The following LIMS1 variants were observed in gnomAD, a reference collection of about 807,000 sequenced individuals.
LIMS1 encodes LIM zinc finger domain containing 1.
A neutral mutation model predicts 44.1 loss-of-function variants in LIMS1; 18 were observed. The ratio of observed to expected loss-of-function variants is 0.41; its 90% confidence interval spans 0.28 to 0.61. The LOEUF (loss-of-function observed/expected upper bound fraction) is 0.61, where lower values mean the gene tolerates loss of function less well. Ranked by LOEUF, LIMS1 falls within the 20% of genes least tolerant of loss-of-function variation. The probability of loss-of-function intolerance (pLI) is 0.32; values close to 1 mark genes in which losing one functional copy is unlikely to be tolerated. For missense variants in LIMS1, 201 were observed against 422.0 expected (o/e 0.48, Z 4.59); for synonymous variants, 93 against 149.1 (o/e 0.62, Z 2.74).
chr2:108,622,519 C>T (rs773163746), intron 1 of LIMS1, among the ~76,000 whole-genome samples: 58 of 152,126 alleles, frequency 3.8e-4, no homozygotes, highest in Non-Finnish European at 6.9e-4. Context: ...CATTAAAGGA[C>T]TATTATTGAC....
chr2:108,638,751 A>G (rs1394943984), intron 1 of LIMS1, among the ~76,000 whole-genome samples: 1 of 146,368 alleles, frequency 6.8e-6, no homozygotes, highest in African/African-American at 2.5e-5. Flanking sequence ...GTCTCAAGAA[A>G]ACTAAGCACA....
At chr2:108,564,527 A>C (rs557967371) in intron 1 of LIMS1, among the ~76,000 whole-genome samples, 44 of 152,244 alleles carry the variant, frequency 2.9e-4, no homozygotes, top group Admixed American at 1.6e-3. Context: ...GCAAGTTTAA[A>C]ATCCACAGAG....
At chr2:108,576,808 A>G (rs191341707) in intron 1 of LIMS1, among the ~76,000 whole-genome samples, 10 of 152,330 alleles carry the variant, frequency 6.6e-5, no homozygotes, top group African/African-American at 1.9e-4. Context: ...AGGGAAGAGT[A>G]AATAAGTCTC....
At chr2:108,568,330 G>T (rs1573342868) in intron 1 of LIMS1, among the ~76,000 whole-genome samples, 1 of 152,148 alleles carries the variant, frequency 6.6e-6, no homozygotes, top group Admixed American at 6.5e-5. Context: ...TTCACATAAT[G>T]TCCTCAAGCT....
intron 1 of LIMS1, among the ~76,000 whole-genome samples, chr2:108,601,593 G>C (rs972539929): frequency 6.6e-6 from 1 of 152,214 alleles, no homozygotes; most frequent in South Asian, 2.1e-4. Flanking sequence ...CACTCAACCT[G>C]TTTCAGGACT....
intron 1 of LIMS1, among the ~76,000 whole-genome samples, chr2:108,586,198 CA>C (rs113255390): frequency 2.8e-5 from 4 of 145,032 alleles, no homozygotes; most frequent in African/African-American, 7.6e-5. Flanking sequence ...TCTCAAAACA[CA>C]AAAAAAAACA....
chr2:108,624,017 C>T (rs1409280200), intron 1 of LIMS1, among the ~76,000 whole-genome samples: 1 of 152,186 alleles, frequency 6.6e-6, no homozygotes. Flanking sequence ...GCTTCCTAGA[C>T]TTTTGTTTTA....
At chr2:108,596,292 CCAA>C (rs1686678907) in intron 1 of LIMS1, among the ~76,000 whole-genome samples, 1 of 152,062 alleles carries the variant, frequency 6.6e-6, no homozygotes, top group Non-Finnish European at 1.5e-5. Context: ...TCTTTAATTT[CCAA>C]AGGAGGAAAT....
chr2:108,624,179 G>A (rs1688427785), intron 1 of LIMS1, among the ~76,000 whole-genome samples: 1 of 152,186 alleles, frequency 6.6e-6, no homozygotes, highest in East Asian at 1.9e-4. Flanking sequence ...ACAAGGCATT[G>A]ACCCTTTTTT....
chr2:108,582,000 C>G (rs970009982), intron 1 of LIMS1, among the ~76,000 whole-genome samples: 40 of 151,566 alleles, frequency 2.6e-4, no homozygotes, highest in Non-Finnish European at 3.8e-4. Context: ...TTGATATAGT[C>G]AGAGTTTGAA....
rs34386092 is a variant in LIMS1, at chr2:108,540,193, CTTTTTTTTTTTTTTTT to C, written c.32+5607_32+5622del. Among the ~76,000 whole-genome samples, 3 of 93,314 alleles carry C rather than the reference CTTTTTTTTTTTTTTTT, an allele frequency of 3.2e-5. No homozygotes were observed. In the Admixed American group the frequency reaches 4.7e-4, roughly 15 times the overall value. 61.2% of individuals were successfully genotyped at this position (93,314 alleles called of 152,430 possible). On this transcript the variant is annotated intron_variant, in intron 1 of 9. Transcript: ENST00000544547. ...TTAACAGGTGATAAAGTACAGATTC[CTTTTTTTTTTTTTTTT>C]TTTTTTTGAGACGGAGTCTTGCTCT...
At chr2:108,623,883 T>C (rs1688408181) in intron 1 of LIMS1, among the ~76,000 whole-genome samples, 1 of 152,240 alleles carries the variant, frequency 6.6e-6, no homozygotes, top group African/African-American at 2.4e-5. Context: ...AATAAAAGGC[T>C]GTGCTCTGAA....
At chr2:108,560,337 G>A (rs1042502974) in intron 1 of LIMS1, among the ~76,000 whole-genome samples, 1 of 152,270 alleles carries the variant, frequency 6.6e-6, no homozygotes. Context: ...CTAAGGAAAA[G>A]CCGTAGTCTT....
chr2:108,572,619 T>C (rs1025924049), intron 1 of LIMS1, among the ~76,000 whole-genome samples: 10 of 152,160 alleles, frequency 6.6e-5, no homozygotes, highest in African/African-American at 1.9e-4. Flanking sequence ...CTCCTGACCT[T>C]GTGTTCCACC....
At chr2:108,582,137 G>GCAA (rs1305901045) in intron 1 of LIMS1, among the ~76,000 whole-genome samples, 1 of 152,236 alleles carries the variant, frequency 6.6e-6, no homozygotes. Context: ...ACCCTGACAA[G>GCAA]CGGTTCCCTT....
At chr2:108,586,999 T>G (rs1293025421) in intron 1 of LIMS1, among the ~76,000 whole-genome samples, 1 of 152,176 alleles carries the variant, frequency 6.6e-6, no homozygotes, top group Admixed American at 6.5e-5. Flanking sequence ...CATTCAGTAT[T>G]GTGTGAGAGC....
At chr2:108,556,354 C>G (rs186351788) in intron 1 of LIMS1, among the ~76,000 whole-genome samples, 1 of 152,226 alleles carries the variant, frequency 6.6e-6, no homozygotes, top group Admixed American at 6.5e-5. Context: ...TTGATGGACA[C>G]GGGTGATTTT....
At chr2:108,620,452 G>A (rs575864376) in intron 1 of LIMS1, among the ~76,000 whole-genome samples, 2 of 152,176 alleles carry the variant, frequency 1.3e-5, no homozygotes, top group Non-Finnish European at 2.9e-5. Context: ...GGGCCGTGCT[G>A]TGCCTGCTGT....
intron 1 of LIMS1, among the ~76,000 whole-genome samples, chr2:108,615,395 T>C (rs1039758686): frequency 6.6e-6 from 1 of 152,200 alleles, no homozygotes; most frequent in Non-Finnish European, 1.5e-5. Flanking sequence ...TGCAAGCTTC[T>C]GTCTGTGTTC....
Sources: gnomAD v4.1 joint callset for allele counts (sites outside exome capture counted in the v4.1 genomes callset) on GRCh38, gnomAD v4.1.1 for gene constraint, MANE v1.5 for transcripts, NCBI Gene and HGNC (gene_info 2026-07-23, HGNC 2026-07-21) for gene names.